Variants in RGS6 observed in about 807,000 individuals in gnomAD.
RGS6 encodes the protein regulator of G protein signaling 6.
Under a neutral mutation model 78.5 loss-of-function variants are expected in RGS6, and 30 were observed. The ratio of observed to expected loss-of-function variants is 0.38; its 90% CI spans 0.29 to 0.52. The LOEUF (loss-of-function observed/expected upper bound fraction) is 0.52, where lower values mean the gene tolerates loss of function less well. Among genes scored for constraint, RGS6 ranks in the 20% least tolerant of loss-of-function variants. The pLI is 0.85. For synonymous variants in RGS6, 206 were observed against 206.0 expected (o/e 1.00, Z 0.00); for missense variants, 495 against 609.7 (o/e 0.81, Z 1.98).
At chr14:72,050,703 C>T (rs577091996) in intron 2 of RGS6, among the ~76,000 whole-genome samples, 9 of 152,310 alleles carry the variant, frequency 5.9e-5, no homozygotes, top group South Asian at 2.1e-4. Context: ...TTGAACAACA[C>T]GGGTTTGAAT....
intron 12 of RGS6, among the ~76,000 whole-genome samples, chr14:72,492,562 A>T (rs2096592071): frequency 6.6e-6 from 1 of 152,168 alleles, no homozygotes; most frequent in East Asian, 1.9e-4. Flanking sequence ...GTCGGGGGAG[A>T]AAAAGGGATG....
intron 2 of RGS6, among the ~76,000 whole-genome samples, chr14:72,333,645 G>C (rs764278532): frequency 4.6e-5 from 7 of 152,130 alleles, no homozygotes; most frequent in Non-Finnish European, 1.0e-4. Flanking sequence ...GGTGTTTTGG[G>C]CTTAAGCCCT....
intron 2 of RGS6, among the ~76,000 whole-genome samples, chr14:72,234,781 A>G (rs961345958): frequency 6.6e-6 from 1 of 152,080 alleles, no homozygotes; most frequent in African/African-American, 2.4e-5. Context: ...ACCCTCAGTA[A>G]GTTGTCATCT....
At chr14:72,491,479 CA>C (rs1410741685) in intron 12 of RGS6, among the ~76,000 whole-genome samples, 7 of 152,132 alleles carry the variant, frequency 4.6e-5, no homozygotes, top group African/African-American at 1.4e-4. Flanking sequence ...ACTAAAGGAA[CA>C]AAAATGGCAT....
chr14:72,080,693 G>A (rs1271316335), intron 2 of RGS6, among the ~76,000 whole-genome samples: 1 of 152,056 alleles, frequency 6.6e-6, no homozygotes, highest in East Asian at 1.9e-4. Flanking sequence ...GTTAGTTCTT[G>A]TATATGGTAT....
intron 2 of RGS6, among the ~76,000 whole-genome samples, chr14:72,246,527 A>G (rs1041595756): frequency 6.6e-6 from 1 of 152,234 alleles, no homozygotes; most frequent in African/African-American, 2.4e-5. Flanking sequence ...ATAGTTTTCT[A>G]ACTGACTTGA....
intron 3 of RGS6, among the ~76,000 whole-genome samples, chr14:72,448,461 G>T (rs971092560): frequency 6.6e-6 from 1 of 151,900 alleles, no homozygotes; most frequent in Non-Finnish European, 1.5e-5. Context: ...TCTTAGTTAA[G>T]CTTTCTCTGC....
chr14:72,006,679 C>T (rs2084632812), intron 2 of RGS6, among the ~76,000 whole-genome samples: 2 of 152,216 alleles, frequency 1.3e-5, no homozygotes, highest in South Asian at 4.1e-4. Flanking sequence ...GTCTAAATGG[C>T]TCCCAATTCC....
intron 1 of RGS6, among the ~76,000 whole-genome samples, chr14:71,937,100 C>T (rs2089578867): frequency 6.6e-6 from 1 of 152,190 alleles, no homozygotes; most frequent in Non-Finnish European, 1.5e-5. Flanking sequence ...GTCTTCCTTA[C>T]CTCTGCTGTG....
At chr14:72,416,009 G>A (rs1317077942) in intron 3 of RGS6, among the ~76,000 whole-genome samples, 1 of 152,018 alleles carries the variant, frequency 6.6e-6, no homozygotes, top group Non-Finnish European at 1.5e-5. Flanking sequence ...TTAGCCAGGT[G>A]GGGTGTTGCG....
rs762084360 is a variant in RGS6, at chr14:72,300,460, T to C, written c.85-51635T>C. On this transcript the variant is annotated intron_variant, in intron 2 of 17. Transcript: ENST00000553525. ...GTACCTGCAGACCTGATTATTCCAG[T>C]ATAGCAAAAGCATTCTGTCTCAGCC... Among the ~76,000 whole-genome samples the C allele has an allele frequency of 4.9e-4, 75 of 152,198 alleles. 1 individual carries two copies. Among genetic ancestry groups the C allele is most frequent in the Admixed American group, 2.0e-4 (3 of 15,278 alleles).
chr14:72,298,448 TTTTTTTTCCC>T (rs1425244169), intron 2 of RGS6, among the ~76,000 whole-genome samples: 13 of 80,032 alleles, frequency 1.6e-4, no homozygotes, highest in African/African-American at 1.1e-3. Flanking sequence ...TTTTTTTTTT[TTTTTTTTCCC>T]CCCCTCTGAG....
intron 3 of RGS6, among the ~76,000 whole-genome samples, chr14:72,421,996 G>A (rs1418159272): frequency 1.3e-5 from 2 of 152,200 alleles, no homozygotes; most frequent in Admixed American, 1.3e-4. Flanking sequence ...CTGGTGGGTG[G>A]TAATTGAATC....
At chr14:71,888,106 C>A in the RGS6 span, among the ~76,000 whole-genome samples, 17 of 152,028 alleles carry the variant, frequency 1.1e-4, no homozygotes, top group African/African-American at 3.9e-4. Flanking sequence ...ATAGAAAGAA[C>A]CTACGTTGAA....
chr14:72,473,499 T>C (rs2096149057), intron 9 of RGS6, among the ~76,000 whole-genome samples: 1 of 152,196 alleles, frequency 6.6e-6, no homozygotes, highest in African/African-American at 2.4e-5. Flanking sequence ...ATGGAGAAGC[T>C]ATGGGAATTC....
chr14:72,179,905 T>C (rs1032001519), intron 2 of RGS6, among the ~76,000 whole-genome samples: 27 of 152,176 alleles, frequency 1.8e-4, no homozygotes, highest in Non-Finnish European at 4.4e-5. Flanking sequence ...CTAATGCACA[T>C]TGAAGTTTGA....
chr14:72,083,814 A>G (rs2094920029), intron 2 of RGS6, among the ~76,000 whole-genome samples: 2 of 152,196 alleles, frequency 1.3e-5, no homozygotes, highest in South Asian at 2.1e-4. Context: ...GCCAAAAGAA[A>G]TGTTGCTTGG....
rs562630226 is a variant in RGS6, at chr14:72,004,107, T to A, written c.84+39232T>A. 3.6e-4 allele frequency among the ~76,000 whole-genome samples: 55 copies of A among 152,308 alleles called. 1 individual carries two copies. Among genetic ancestry groups the A allele is most frequent in the African/African-American group, 1.3e-3 (53 of 41,576 alleles). ...TCCAAAGCTCCCCAGGAGGTTTGAATGGGCAACACAGATTGGGAATGGCTG... is the reference window on the plus strand; with the variant it reads ...TCCAAAGCTCCCCAGGAGGTTTGAAAGGGCAACACAGATTGGGAATGGCTG... On this transcript the variant is annotated intron_variant, in intron 2 of 17. Transcript: ENST00000553525.
chr14:72,042,129 CTTTTTTT>C (rs202194668), intron 2 of RGS6, among the ~76,000 whole-genome samples: 1 of 134,540 alleles, frequency 7.4e-6, no homozygotes, highest in Non-Finnish European at 1.6e-5. Flanking sequence ...TTTTCTTTTT[CTTTTTTT>C]TTTTTTTTTG....
Sources: gnomAD v4.1 joint callset for allele counts (sites outside exome capture counted in the v4.1 genomes callset) on GRCh38, gnomAD v4.1.1 for gene constraint, MANE v1.5 for transcripts, NCBI Gene and HGNC (gene_info 2026-07-23, HGNC 2026-07-21) for gene names.